ABCA1: variants seen among roughly 807,000 people sequenced by gnomAD.
The protein encoded by ABCA1 is ATP binding cassette subfamily A member 1.
Under a neutral mutation model 262.5 loss-of-function variants are expected in ABCA1, and 133 were observed. The ratio of observed to expected loss-of-function variants is 0.51; its 90% CI spans 0.44 to 0.59. The LOEUF (loss-of-function observed/expected upper bound fraction) is 0.59. Among genes scored for constraint, ABCA1 ranks in the 20% least tolerant of loss-of-function variants. The probability of loss-of-function intolerance (pLI) is 0.00; values close to 1 mark genes in which losing one functional copy is unlikely to be tolerated. For missense variants in ABCA1, 2,452 were observed against 2,777.5 expected, an observed-to-expected ratio of 0.88 and a Z score of 2.63; for synonymous variants, 1,022 against 1,043.5, an observed-to-expected ratio of 0.98 and a Z score of 0.40.
intron 6 of ABCA1, 22 bp downstream of exon 6, chr9:104,861,657 G>A: frequency 6.2e-7 from 1 of 1,614,020 alleles, no homozygotes; most frequent in Non-Finnish European, 8.5e-7. Flanking sequence ...CCCTACTGAG[G>A]AAGCTGGAGG....
At chr9:104,925,829 G>C (rs1020834688) in intron 1 of ABCA1, among the ~76,000 whole-genome samples, 1 of 152,104 alleles carries the variant, frequency 6.6e-6, no homozygotes, top group Admixed American at 6.6e-5. Flanking sequence ...TGATTTAGGA[G>C]AAAGTTTCTC....
intron 32 of ABCA1, 64 bp from the exon 33 acceptor site, chr9:104,803,380 A>G: frequency 6.8e-7 from 1 of 1,475,824 alleles, no homozygotes; most frequent in Non-Finnish European, 9.5e-7. Context: ...CTAATGATGC[A>G]AAAGGAGTAA....
chr9:104,824,262 C>T (rs775939868), intron 18 of ABCA1, among the ~76,000 whole-genome samples: 14 of 152,152 alleles, frequency 9.2e-5, no homozygotes, highest in Admixed American at 2.6e-4. Context: ...CCTCAGGGAT[C>T]GAGACCGTGA....
At chr9:104,813,846 C>A (rs755148363) in intron 27 of ABCA1, among the ~76,000 whole-genome samples, 1 of 152,200 alleles carries the variant, frequency 6.6e-6, no homozygotes, top group Non-Finnish European at 1.5e-5. Flanking sequence ...GAAACTAGGA[C>A]CCCGCAGAAA....
chr9:104,842,221 A>G (rs890597583), intron 8 of ABCA1, among the ~76,000 whole-genome samples: 23 of 152,184 alleles, frequency 1.5e-4, no homozygotes, highest in African/African-American at 5.6e-4. Context: ...CACACTCCAC[A>G]AGAACACAAT....
intron 1 of ABCA1, among the ~76,000 whole-genome samples, chr9:104,916,213 A>C (rs954860762): frequency 2.0e-5 from 3 of 152,198 alleles, no homozygotes; most frequent in African/African-American, 7.2e-5. Context: ...AAAAATAAAA[A>C]TAAAAACCCT....
At position 104,880,111 on chromosome 9, in the gene ABCA1, C is replaced by T. The variant is rs374046792; in HGVS notation, c.421+2928G>A. On this transcript the variant is annotated intron_variant, in intron 5 of 49. Transcript: ENST00000374736. The stretch of plus-strand genomic sequence containing the variant: ...GGCTACTTAGTGAGTGGTAGATCCC[C>T]GCCCTGGGAAGGTGGGTGTGTGGTA... 3.9e-4 allele frequency among the ~76,000 whole-genome samples: 60 copies of T among 152,218 alleles called. 1 individual carries two copies. In the South Asian group the frequency reaches 0.011, roughly 27 times the overall value.
chr9:104,859,290 C>G (rs551193564), intron 6 of ABCA1, among the ~76,000 whole-genome samples: 1 of 152,312 alleles, frequency 6.6e-6, no homozygotes, highest in East Asian at 1.9e-4. Context: ...TCATTCTTAT[C>G]TTTTCTTTAT....
At chr9:104,824,012 G>C (rs1276954109) in intron 18 of ABCA1, among the ~76,000 whole-genome samples, 4 of 152,210 alleles carry the variant, frequency 2.6e-5, no homozygotes, top group African/African-American at 9.7e-5. Flanking sequence ...GAGGATTAGG[G>C]ATCTGGGTAA....
At chr9:104,815,806 G>T (rs1831699041) in intron 25 of ABCA1, among the ~76,000 whole-genome samples, 1 of 152,146 alleles carries the variant, frequency 6.6e-6, no homozygotes, top group Admixed American at 6.5e-5. Flanking sequence ...AAGTGATCCT[G>T]ATGCCGCTGT....
intron 5 of ABCA1, among the ~76,000 whole-genome samples, chr9:104,879,255 T>G (rs888293552): frequency 9.9e-5 from 15 of 152,176 alleles, no homozygotes; most frequent in Non-Finnish European, 1.6e-4. Context: ...ATCACTGTCT[T>G]AGAAGAATAC....
Position 104,840,404 on chromosome 9 carries a change from C to T in ABCA1, c.929G>A (p.Gly310Glu). The T allele has an allele frequency of 1.2e-6, 2 of 1,614,172 alleles. No homozygotes were observed. Among genetic ancestry groups the T allele is most frequent in the South Asian group, 1.1e-5 (1 of 91,076 alleles). The change falls in exon 9 of 50, where the codon GGG (glycine) becomes GAG (glutamate). Residue 310 changes from glycine to glutamate, a missense_variant. By Grantham distance (98) the Gly-to-Glu change is moderately conservative. Coordinates refer to ENST00000374736, the MANE Select transcript of ABCA1 (RefSeq NM_005502.4). ...CTTCAGCCCCCCTCCCTCGGGATGC[C>T]CGCAGACAATACGAGACACAGCCTG... Reference protein sequence around the residue: ...IYQAVSRIVCGHPEGGGLKIK... With the variant: ...IYQAVSRIVCEHPEGGGLKIK...
intron 1 of ABCA1, among the ~76,000 whole-genome samples, chr9:104,912,663 C>A (rs1841570479): frequency 6.6e-6 from 1 of 152,176 alleles, no homozygotes; most frequent in Non-Finnish European, 1.5e-5. Context: ...TCTTCCCCTG[C>A]TGATTTCCAC....
At chr9:104,856,020 T>C in intron 7 of ABCA1, 1 of 1,612,816 alleles carries the variant, frequency 6.2e-7, no homozygotes, top group East Asian at 2.2e-5. Context: ...CATCTCCGGT[T>C]GCTGCTACTG....
chr9:104,825,455 A>C, intron 17 of ABCA1: 1 of 604,100 alleles, frequency 1.7e-6, no homozygotes, highest in South Asian at 1.9e-5. Flanking sequence ...AATGTGTATA[A>C]AACATTTTGC....
At chr9:104,854,655 C>T (rs749994781) in intron 7 of ABCA1, among the ~76,000 whole-genome samples, 20 of 152,072 alleles carry the variant, frequency 1.3e-4, no homozygotes, top group Non-Finnish European at 2.8e-4. Flanking sequence ...GTTCACCTGC[C>T]CAGCACACTC....
intron 2 of ABCA1, among the ~76,000 whole-genome samples, chr9:104,897,229 G>A (rs527706082): frequency 2.8e-4 from 42 of 152,024 alleles, no homozygotes; most frequent in Non-Finnish European, 5.1e-4. Context: ...ATGCTAGAGA[G>A]GGGAAATGAT....
intron 37 of ABCA1, among the ~76,000 whole-genome samples, 156 bp from the exon 38 acceptor site, chr9:104,796,580 C>A (rs1476561367): frequency 6.6e-6 from 1 of 152,130 alleles, no homozygotes; most frequent in Non-Finnish European, 1.5e-5. Flanking sequence ...TCAAAATACC[C>A]GACAATACAT....
chr9:104,895,390 T>C (rs1390514422), intron 2 of ABCA1, among the ~76,000 whole-genome samples: 1 of 152,180 alleles, frequency 6.6e-6, no homozygotes, highest in Non-Finnish European at 1.5e-5. Flanking sequence ...GACTCTCCTA[T>C]GAATTCTACG....
Sources: allele counts gnomAD v4.1 joint callset (sites outside exome capture counted in the v4.1 genomes callset), GRCh38; gene constraint gnomAD v4.1.1; transcripts MANE v1.5; gene names NCBI Gene and HGNC (gene_info 2026-07-23, HGNC 2026-07-21).